The following ZNF804B variants were observed in gnomAD, a reference collection of about 807,000 sequenced individuals.
ZNF804B encodes the protein zinc finger 804B.
A neutral mutation model predicts 101.4 loss-of-function variants in ZNF804B; 80 were observed. The observed-to-expected ratio is 0.79, with a 90% confidence interval of 0.66 to 0.95. ZNF804B has a LOEUF of 0.95. Ranked by LOEUF, ZNF804B falls within the 40% of genes least tolerant of loss-of-function variation. ZNF804B has a pLI of 0.00. For missense variants in ZNF804B, 1,673 were observed against 1,561.9 expected (o/e 1.07, Z -1.20); for synonymous variants, 622 against 558.8 (o/e 1.11, Z -1.59).
intron 2 of ZNF804B, among the ~76,000 whole-genome samples, chr7:89,259,895 G>T (rs914418490): frequency 6.6e-6 from 1 of 151,762 alleles, no homozygotes; most frequent in African/African-American, 2.4e-5. Context: ...CAGGAGAATT[G>T]CTTGAATGCA....
At position 88,906,754 on chromosome 7, in the gene ZNF804B, G is replaced by A. The variant is rs376253148; in HGVS notation, c.108+146670G>A. On this transcript the variant is annotated intron_variant, in intron 1 of 3. Coordinates refer to ENST00000333190, the MANE Select transcript of ZNF804B (RefSeq NM_181646.5). ...TATAGGTGTCTACTAGTTCTAATTGGTCAGGTGTTGAGTTTAAGTCTAGAG... is the reference window on the plus strand; with the variant it reads ...TATAGGTGTCTACTAGTTCTAATTGATCAGGTGTTGAGTTTAAGTCTAGAG... Among the ~76,000 whole-genome samples the A allele has an allele frequency of 9.9e-5, 15 of 152,148 alleles. 2 individuals are homozygous for A. The highest frequency in any genetic ancestry group is 3.4e-4 in the African/African-American group (14 of 41,540).
At chr7:89,330,160 T>C (rs1356473312) in intron 3 of ZNF804B, among the ~76,000 whole-genome samples, 2 of 151,644 alleles carry the variant, frequency 1.3e-5, no homozygotes, top group Non-Finnish European at 3.0e-5. Context: ...AAATATTAAA[T>C]GTGGAGAAAA....
intron 2 of ZNF804B, among the ~76,000 whole-genome samples, chr7:89,254,645 TTTA>T (rs573214828): frequency 0.046 from 6,701 of 146,416 alleles, 144 homozygotes; most frequent in South Asian, 0.073. Flanking sequence ...TATTTTTATT[TTTA>T]TTATTTTTTT....
At chr7:88,991,653 G>C (rs1562853249) in intron 1 of ZNF804B, among the ~76,000 whole-genome samples, 1 of 152,168 alleles carries the variant, frequency 6.6e-6, no homozygotes, top group Non-Finnish European at 1.5e-5. Context: ...CTCTGCTGGA[G>C]CAGTCATAGA....
At chr7:88,960,880 G>C (rs79512114) in intron 1 of ZNF804B, among the ~76,000 whole-genome samples, 1,671 of 151,424 alleles carry the variant, frequency 0.011, 39 homozygotes, top group African/African-American at 0.038. Flanking sequence ...TCAATTGCCT[G>C]TCAGTTTTCT....
chr7:89,133,727 T>G (rs1274505575), intron 1 of ZNF804B, among the ~76,000 whole-genome samples: 1 of 152,122 alleles, frequency 6.6e-6, no homozygotes, highest in African/African-American at 2.4e-5. Flanking sequence ...GAAATAAACG[T>G]CATGGCTAAT....
At chr7:89,283,608 C>T (rs999061356) in intron 2 of ZNF804B, among the ~76,000 whole-genome samples, 4 of 152,226 alleles carry the variant, frequency 2.6e-5, no homozygotes, top group East Asian at 1.9e-4. Flanking sequence ...ACATTGTACT[C>T]GGCTTTGCCA....
intron 2 of ZNF804B, among the ~76,000 whole-genome samples, chr7:89,240,444 C>T (rs746188456): frequency 6.6e-6 from 1 of 151,456 alleles, no homozygotes; most frequent in Non-Finnish European, 1.5e-5. Context: ...GTAAAATGAG[C>T]GTTTTGTACT....
chr7:89,053,013 T>C (rs187411742), intron 1 of ZNF804B, among the ~76,000 whole-genome samples: 53 of 152,280 alleles, frequency 3.5e-4, no homozygotes, highest in African/African-American at 1.3e-3. Context: ...TTCTTTAACA[T>C]TAAATCGTAT....
At chr7:89,147,240 G>A (rs878917282) in intron 1 of ZNF804B, among the ~76,000 whole-genome samples, 4 of 151,846 alleles carry the variant, frequency 2.6e-5, no homozygotes, top group Admixed American at 6.6e-5. Context: ...TTACAGCTAC[G>A]CTGTGAGTAT....
At chr7:89,203,849 G>T (rs1408776451) in intron 1 of ZNF804B, among the ~76,000 whole-genome samples, 1 of 152,106 alleles carries the variant, frequency 6.6e-6, no homozygotes, top group East Asian at 1.9e-4. Context: ...ATTTTAATAT[G>T]TCATCTTAGG....
chr7:89,025,114 G>T (rs1788729026), intron 1 of ZNF804B, among the ~76,000 whole-genome samples: 1 of 151,990 alleles, frequency 6.6e-6, no homozygotes. Context: ...GTGATATAAT[G>T]ATTAGTCTTA....
intron 2 of ZNF804B, among the ~76,000 whole-genome samples, chr7:89,301,348 G>A (rs1278260104): frequency 1.3e-5 from 2 of 151,492 alleles, no homozygotes; most frequent in Non-Finnish European, 3.0e-5. Flanking sequence ...ACAGGACAAT[G>A]CAATAGCTTT....
intron 1 of ZNF804B, among the ~76,000 whole-genome samples, chr7:89,033,123 C>G (rs924893438): frequency 1.3e-5 from 2 of 151,836 alleles, no homozygotes; most frequent in East Asian, 3.9e-4. Flanking sequence ...CCCACCACTT[C>G]CACTCCTACT....
chr7:88,821,281 T>A lies in ZNF804B; in HGVS notation c.108+61197T>A, dbSNP rs560433692. Among the ~76,000 whole-genome samples, 5 of 152,316 alleles carry A rather than the reference T, an allele frequency of 3.3e-5. No homozygotes were observed. In the East Asian group the frequency reaches 7.7e-4, roughly 24 times the overall value. On this transcript the variant is annotated intron_variant, in intron 1 of 3. Transcript: ENST00000333190. Reference sequence around the variant, plus strand: ...AGCGAGCATTGCTAAGTGCTCACATTAATTCCAAAGTACAGTTTGTATTTA... The same window carrying A: ...AGCGAGCATTGCTAAGTGCTCACATAAATTCCAAAGTACAGTTTGTATTTA...
chr7:89,174,588 T>C (rs983765703), intron 1 of ZNF804B, among the ~76,000 whole-genome samples: 19 of 152,086 alleles, frequency 1.2e-4, no homozygotes, highest in African/African-American at 3.6e-4. Flanking sequence ...AACATACTCA[T>C]TTACTTTCTT....
At chr7:89,053,773 C>T (rs750118619) in intron 1 of ZNF804B, among the ~76,000 whole-genome samples, 15 of 151,882 alleles carry the variant, frequency 9.9e-5, no homozygotes, top group Non-Finnish European at 1.6e-4. Context: ...TACTCTTATG[C>T]ACTCAGAAAA....
At chr7:89,309,369 C>G (rs1297524983) in intron 2 of ZNF804B, among the ~76,000 whole-genome samples, 1 of 152,100 alleles carries the variant, frequency 6.6e-6, no homozygotes, top group Non-Finnish European at 1.5e-5. Context: ...TAATTTTTAA[C>G]TAAGGATGTA....
chr7:88,802,548 C>A (rs1790608288), intron 1 of ZNF804B, among the ~76,000 whole-genome samples: 1 of 151,916 alleles, frequency 6.6e-6, no homozygotes, highest in African/African-American at 2.4e-5. Flanking sequence ...GAGATCTAAC[C>A]GAACTTTGTT....
Sources: gnomAD v4.1 joint callset for allele counts (sites outside exome capture counted in the v4.1 genomes callset) on GRCh38, gnomAD v4.1.1 for gene constraint, MANE v1.5 for transcripts, NCBI Gene and HGNC (gene_info 2026-07-23, HGNC 2026-07-21) for gene names.